Variants in NCOR2 observed in about 807,000 individuals in gnomAD.
The protein encoded by NCOR2 is CTG repeat protein 26.
Under a neutral mutation model 262.9 loss-of-function variants are expected in NCOR2, and 81 were observed. That is an observed-to-expected ratio of 0.31 (90% CI 0.26 to 0.37). NCOR2 has a LOEUF of 0.37. Among genes scored for constraint, NCOR2 ranks in the 10% least tolerant of loss-of-function variants. The pLI is 1.00. For missense variants in NCOR2, 3,385 were observed against 3,621.4 expected (o/e 0.93, Z 1.68); for synonymous variants, 1,659 against 1,559.3 (o/e 1.06, Z -1.51).
chr12:124,358,092 TGTGC>T (rs1415217318), intron 22 of NCOR2, among the ~76,000 whole-genome samples: 21 of 147,086 alleles, frequency 1.4e-4, no homozygotes, highest in Admixed American at 1.3e-4. Flanking sequence ...GTGATGTGTG[TGTGC>T]GCGCGCGCAC....
At chr12:124,491,830 G>A (rs2048096220) in intron 1 of NCOR2, among the ~76,000 whole-genome samples, 1 of 152,206 alleles carries the variant, frequency 6.6e-6, no homozygotes, top group Non-Finnish European at 1.5e-5. Flanking sequence ...GACCCTCAGG[G>A]AGAGTCATAG....
At chr12:124,335,009 C>T (rs549660064) in intron 40 of NCOR2, 126 bp downstream of exon 42, 25 of 1,423,194 alleles carry the variant, frequency 1.8e-5, no homozygotes, top group Admixed American at 8.5e-5. Flanking sequence ...ATCCCCCCAG[C>T]GCCATGCCCT....
At chr12:124,354,020 A>G (rs1456476832) in intron 27 of NCOR2, 73 bp downstream of exon 29, 4 of 1,351,794 alleles carry the variant, frequency 3.0e-6, no homozygotes, top group Non-Finnish European at 4.1e-6. Flanking sequence ...TTTGGTGACA[A>G]TGAGGGGTTA....
In NCOR2 at chr12:124,325,513, TG is replaced by T; in HGVS notation, c.7433del (p.Pro2478HisfsTer96). 2 of 1,351,450 alleles carry T rather than the reference TG, an allele frequency of 1.5e-6. No homozygotes were observed. The highest frequency in any genetic ancestry group is 3.0e-5 in the East Asian group (1 of 33,600). The allele number at this position is 1,351,450 out of a possible 1,614,324, so 83.7% of individuals were successfully genotyped here. A position where few individuals can be genotyped will look rare whatever the true frequency, so the allele number is the denominator to read the frequency against. On this transcript the variant is annotated frameshift_variant, in exon 47 of 47. Coordinates refer to ENST00000405201, the Ensembl canonical transcript of NCOR2. LOFTEE classifies it high-confidence loss of function. ...GCCCGCTGCCCGCGGGGAGGCCCGG[TG>T]GGGGTGGGGAAGCCATGACACCCGC...
intron 1 of NCOR2, among the ~76,000 whole-genome samples, chr12:124,546,897 T>C (rs1488175315): frequency 6.6e-6 from 1 of 152,226 alleles, no homozygotes. Context: ...AGTGCCTGTA[T>C]TCAAGTAGCC....
At chr12:124,335,091 C>G (rs1301724839) in intron 40 of NCOR2, 44 bp downstream of exon 42, 2 of 1,612,106 alleles carry the variant, frequency 1.2e-6, no homozygotes, top group Admixed American at 1.7e-5. Context: ...CCTGGTGCCC[C>G]CAGGTGCAAA....
chr12:124,535,114 T>C (rs701030), intron 1 of NCOR2, among the ~76,000 whole-genome samples: 119,554 of 152,218 alleles, frequency 0.79, 47,108 homozygotes, highest in East Asian at 0.9. Context: ...CTGCTAGGCA[T>C]GGGGACCACA....
chr12:124,429,680 A>G, exon 10 of NCOR2: 1 of 1,608,750 alleles, frequency 6.2e-7, no homozygotes, highest in Non-Finnish European at 8.5e-7. Flanking sequence ...CGACATGGAC[A>G]GCCCACTGCC....
intron 5 of NCOR2, among the ~76,000 whole-genome samples, chr12:124,458,946 G>A (rs1032450365): frequency 2.0e-5 from 3 of 152,162 alleles, no homozygotes; most frequent in Non-Finnish European, 4.4e-5. Flanking sequence ...GGGTAGCATG[G>A]GGGCAGGGCA....
Position 124,517,786 on chromosome 12 carries a change from C to T in NCOR2, c.-118+17779G>A, listed in dbSNP as rs1432659465. Among the ~76,000 whole-genome samples, 7 of 152,344 alleles carry T rather than the reference C, an allele frequency of 4.6e-5. No individual in the cohort carries two copies. In the East Asian group the frequency reaches 1.2e-3, roughly 25 times the overall value. ...CCAAGAAGCCTCACCCCGGCCTGCC[C>T]GGCCAGCGCCTCCGAGCGCTCTTTT... On this transcript the variant is annotated intron_variant, in intron 1 of 46. Transcript: ENST00000404621. The surrounding 1 kb of genome is among the most constrained non-coding windows in gnomAD (Gnocchi z 7.6).
intron 13 of NCOR2, among the ~76,000 whole-genome samples, chr12:124,408,150 C>T (rs1164309263): frequency 2.6e-5 from 4 of 152,290 alleles, no homozygotes; most frequent in Non-Finnish European, 2.9e-5. Context: ...GTCAGGAAAT[C>T]GAGACCATCC....
rs537376544 is a variant in NCOR2, at chr12:124,384,696, C to T, written c.2019+1049G>A. 2.0e-5 allele frequency among the ~76,000 whole-genome samples: 3 copies of T among 152,308 alleles called. No homozygotes were observed. The South Asian group carries it at 6.2e-4, about 32-fold the overall frequency. On this transcript the variant is annotated intron_variant, in intron 17 of 46. Coordinates refer to ENST00000405201, the Ensembl canonical transcript of NCOR2. The stretch of plus-strand genomic sequence containing the variant: ...TGTGTGACCTCACAGCCTGCTCACC[C>T]TCTCTGGGCCTCAGCAGGTTGCACT...
intron 1 of NCOR2, among the ~76,000 whole-genome samples, chr12:124,562,562 A>C (rs1282082444): frequency 2.6e-5 from 4 of 152,160 alleles, no homozygotes; most frequent in Admixed American, 2.0e-4. Context: ...GCTGCCCATG[A>C]CCTCCAAGCA....
intron 1 of NCOR2, among the ~76,000 whole-genome samples, chr12:124,508,378 C>G (rs904028639): frequency 6.6e-6 from 1 of 152,224 alleles, no homozygotes; most frequent in African/African-American, 2.4e-5. Context: ...AGACAGTAAA[C>G]AAATGCTTCA....
intron 42 of NCOR2, 106 bp from the exon 45 acceptor site, chr12:124,332,573 C>T (rs768078521): frequency 1.4e-6 from 2 of 1,450,050 alleles, no homozygotes; most frequent in Non-Finnish European, 1.9e-6. Flanking sequence ...TGGAAGCAAG[C>T]TTCACCCGCC....
At chr12:124,386,556 C>T (rs1258940093) in intron 16 of NCOR2, among the ~76,000 whole-genome samples, 1 of 152,146 alleles carries the variant, frequency 6.6e-6, no homozygotes, top group East Asian at 1.9e-4. Flanking sequence ...GGAATTTGCT[C>T]CCAAACCCCA....
chr12:124,414,815 G>C (rs116609923), intron 13 of NCOR2, among the ~76,000 whole-genome samples: 1,954 of 152,304 alleles, frequency 0.013, 41 homozygotes, highest in African/African-American at 0.044. Context: ...GTCACGGTAG[G>C]GGGAAGGGGC....
intron 17 of NCOR2, among the ~76,000 whole-genome samples, chr12:124,384,723 A>G (rs2040664967): frequency 6.6e-6 from 1 of 152,060 alleles, no homozygotes; most frequent in Admixed American, 6.5e-5. Context: ...GGTTGCACTG[A>G]GGGAGCAATT....
In NCOR2 at chr12:124,345,299, T is replaced by G. The variant is rs561092566; in HGVS notation, c.4360-348A>C. On this transcript the variant is annotated intron_variant, in intron 31 of 46. Coordinates refer to ENST00000405201, the Ensembl canonical transcript of NCOR2. ...ACACCCTCATGTGGGTAAAAAACAT[T>G]CCTCTGTTCAGCCTGGGACCCTCCA... is the stretch of plus-strand genomic sequence containing the variant. Among the ~76,000 whole-genome samples the G allele has an allele frequency of 5.3e-5, 8 of 152,096 alleles. No individual in the cohort carries two copies. In the South Asian group the frequency reaches 1.7e-3, roughly 32 times the overall value.
Sources: allele counts gnomAD v4.1 joint callset (sites outside exome capture counted in the v4.1 genomes callset), GRCh38; gene constraint gnomAD v4.1.1; non-coding constraint Gnocchi (gnomAD v3.1); transcripts MANE v1.5; gene names NCBI Gene and HGNC (gene_info 2026-07-23, HGNC 2026-07-21).